The following FBXL7 variants were observed in gnomAD, a reference collection of about 807,000 sequenced individuals.
FBXL7 encodes F-box/LRR-repeat protein 7.
Under a neutral mutation model 38.3 loss-of-function variants are expected in FBXL7, and 12 were observed. The observed-to-expected ratio is 0.31, with a 90% confidence interval of 0.20 to 0.51. FBXL7 has a LOEUF of 0.51. FBXL7 is among the 20% of genes least tolerant of loss of function. FBXL7 has a pLI of 0.98. For synonymous variants in FBXL7, 297 were observed against 300.9 expected (o/e 0.99, Z 0.13); for missense variants, 567 against 676.4 (o/e 0.84, Z 1.79).
chr5:15,921,393 A>T (rs1051417646), intron 2 of FBXL7, among the ~76,000 whole-genome samples: 1 of 152,040 alleles, frequency 6.6e-6, no homozygotes, highest in African/African-American at 2.4e-5. Flanking sequence ...AAAAAAAAAA[A>T]AAAAAATCAA....
At chr5:15,615,640 T>TA (rs1399029559) in intron 1 of FBXL7, among the ~76,000 whole-genome samples, 1 of 152,182 alleles carries the variant, frequency 6.6e-6, no homozygotes, top group Non-Finnish European at 1.5e-5. Flanking sequence ...TAGTTGCAAA[T>TA]AAAAAATTAA....
chr5:15,815,208 T>C (rs1737982655), intron 2 of FBXL7, among the ~76,000 whole-genome samples: 1 of 152,166 alleles, frequency 6.6e-6, no homozygotes, highest in African/African-American at 2.4e-5. Flanking sequence ...TTTGATAATA[T>C]TTTTTGCAGC....
At chr5:15,842,217 A>G (rs1317470841) in intron 2 of FBXL7, among the ~76,000 whole-genome samples, 1 of 152,344 alleles carries the variant, frequency 6.6e-6, no homozygotes, top group African/African-American at 2.4e-5. Context: ...CACCTCTTGC[A>G]TCAGCATGAC....
chr5:15,718,817 T>C (rs1744115849), intron 2 of FBXL7, among the ~76,000 whole-genome samples: 1 of 152,340 alleles, frequency 6.6e-6, no homozygotes, highest in East Asian at 1.9e-4. Context: ...GAGAATGAAT[T>C]TCAACTAAGA....
chr5:15,736,783 G>T (rs1027182623), intron 2 of FBXL7, among the ~76,000 whole-genome samples: 1 of 152,156 alleles, frequency 6.6e-6, no homozygotes, highest in Admixed American at 6.5e-5. Context: ...AGCAGGAGGA[G>T]GCCACTTGAT....
intron 1 of FBXL7, among the ~76,000 whole-genome samples, chr5:15,554,183 T>A (rs976862671): frequency 6.6e-6 from 1 of 152,096 alleles, no homozygotes; most frequent in Non-Finnish European, 1.5e-5. Context: ...AATGGATTTG[T>A]TGAGGTGGTA....
chr5:15,829,642 C>T (rs778014586), intron 2 of FBXL7, among the ~76,000 whole-genome samples: 1 of 152,108 alleles, frequency 6.6e-6, no homozygotes, highest in Non-Finnish European at 1.5e-5. Flanking sequence ...ATCTTAATAG[C>T]ATTGGCTTTC....
chr5:15,818,153 G>C (rs534622564), intron 2 of FBXL7, among the ~76,000 whole-genome samples: 1 of 152,038 alleles, frequency 6.6e-6, no homozygotes, highest in Non-Finnish European at 1.5e-5. Flanking sequence ...TGGTGTGTGC[G>C]TGTTATTTGT....
intron 2 of FBXL7, among the ~76,000 whole-genome samples, chr5:15,630,232 G>A (rs1740954140): frequency 6.7e-6 from 1 of 148,460 alleles, no homozygotes; most frequent in Non-Finnish European, 1.5e-5. Flanking sequence ...AGGCTATTCA[G>A]CCCTCCCACA....
At chr5:15,736,795 C>T (rs751612790) in intron 2 of FBXL7, among the ~76,000 whole-genome samples, 2 of 152,182 alleles carry the variant, frequency 1.3e-5, no homozygotes, top group East Asian at 1.9e-4. Flanking sequence ...CCACTTGATA[C>T]GCTGCTGTCT....
At chr5:15,829,772 C>T (rs1738404999) in intron 2 of FBXL7, among the ~76,000 whole-genome samples, 1 of 152,124 alleles carries the variant, frequency 6.6e-6, no homozygotes, top group Non-Finnish European at 1.5e-5. Flanking sequence ...GGGATCATAA[C>T]TTTGAAAAGT....
chr5:15,765,304 A>G (rs1736555710), intron 2 of FBXL7, among the ~76,000 whole-genome samples: 2 of 152,124 alleles, frequency 1.3e-5, no homozygotes, highest in Admixed American at 1.3e-4. Flanking sequence ...TGACATTCAC[A>G]AATGTTATGC....
At chr5:15,856,604 AC>A (rs1306564348) in intron 2 of FBXL7, among the ~76,000 whole-genome samples, 1 of 152,160 alleles carries the variant, frequency 6.6e-6, no homozygotes, top group African/African-American at 2.4e-5. Context: ...AAAGATAGAG[AC>A]ATCAATAAAT....
At chr5:15,799,764 A>G (rs1737513109) in intron 2 of FBXL7, among the ~76,000 whole-genome samples, 1 of 152,174 alleles carries the variant, frequency 6.6e-6, no homozygotes, top group South Asian at 2.1e-4. Flanking sequence ...CACTACACGG[A>G]TTAGCAGCAA....
intron 2 of FBXL7, among the ~76,000 whole-genome samples, chr5:15,774,821 TGTCCGTG>T (rs1736819099): frequency 6.6e-5 from 10 of 152,204 alleles, no homozygotes; most frequent in Admixed American, 6.5e-4. Context: ...CTTTGGTTGT[TGTCCGTG>T]GTCCTGAACT....
At chr5:15,588,467 A>C (rs1189719082) in intron 1 of FBXL7, among the ~76,000 whole-genome samples, 2 of 151,158 alleles carry the variant, frequency 1.3e-5, no homozygotes, top group African/African-American at 2.4e-5. Flanking sequence ...GGTCACTGCA[A>C]CCTCTGCCTC....
intron 2 of FBXL7, among the ~76,000 whole-genome samples, chr5:15,620,800 C>T (rs1740613602): frequency 6.6e-6 from 1 of 152,164 alleles, no homozygotes; most frequent in African/African-American, 2.4e-5. Context: ...CTGGAAAGTT[C>T]TGGAAGAATT....
chr5:15,862,629 G>A (rs1225146857), intron 2 of FBXL7, among the ~76,000 whole-genome samples: 1 of 152,174 alleles, frequency 6.6e-6, no homozygotes, highest in Non-Finnish European at 1.5e-5. Flanking sequence ...TCTTTCCCAT[G>A]CTCCAGTGGC....
At chr5:15,846,122 A>G (rs1436600349) in intron 2 of FBXL7, among the ~76,000 whole-genome samples, 4 of 152,266 alleles carry the variant, frequency 2.6e-5, no homozygotes, top group African/African-American at 9.6e-5. Context: ...CAATTATTCA[A>G]ATATGTAGAT....
Sources: gnomAD v4.1 joint callset for allele counts (sites outside exome capture counted in the v4.1 genomes callset) on GRCh38, gnomAD v4.1.1 for gene constraint, MANE v1.5 for transcripts, NCBI Gene and HGNC (gene_info 2026-07-23, HGNC 2026-07-21) for gene names.